RHOU: variants seen among roughly 807,000 people sequenced by gnomAD.
RHOU encodes rho-related GTP-binding protein RhoU.
In RHOU, 8 loss-of-function variants were observed where a neutral mutation model predicts 12.6. The ratio of observed to expected loss-of-function variants is 0.64; its 90% CI spans 0.37 to 1.15. The LOEUF (loss-of-function observed/expected upper bound fraction) is 1.15. Among genes scored for constraint, RHOU ranks in the 50% most tolerant of loss-of-function variants. The pLI is 0.01. For missense variants in RHOU, 258 were observed against 347.0 expected (o/e 0.74, Z 2.04); for synonymous variants, 161 against 147.4 (o/e 1.09, Z -0.67).
At chr1:228,734,205 A>G (rs1212180074), upstream of RHOU, among the ~76,000 whole-genome samples, 1 of 151,532 alleles carries the variant, frequency 6.6e-6, no homozygotes, top group Non-Finnish European at 1.5e-5. Context: ...TTTTTTTTCA[A>G]AATTTACAGA....
chr1:228,703,353 C>T, the RHOU span, among the ~76,000 whole-genome samples: 8 of 151,824 alleles, frequency 5.3e-5, no homozygotes, highest in African/African-American at 1.9e-4. Context: ...GGTGAAACCC[C>T]GTCTCTACTA....
At chr1:228,678,377 G>A in the RHOU span, among the ~76,000 whole-genome samples, 10 of 152,204 alleles carry the variant, frequency 6.6e-5, no homozygotes, top group African/African-American at 2.4e-4. Context: ...GTAGGTGGGA[G>A]TGACCAATGA....
the RHOU span, among the ~76,000 whole-genome samples, chr1:228,679,929 T>G: frequency 4.6e-5 from 7 of 152,010 alleles, no homozygotes. Context: ...TTAGTTAAAA[T>G]GTCTCGAGCC....
the RHOU span, among the ~76,000 whole-genome samples, chr1:228,696,551 T>C: frequency 6.6e-6 from 1 of 151,642 alleles, no homozygotes; most frequent in African/African-American, 2.4e-5. Context: ...TAGATATCTT[T>C]CTTTTTGTTT....
the RHOU span, among the ~76,000 whole-genome samples, chr1:228,656,138 C>T: frequency 6.6e-6 from 1 of 152,130 alleles, no homozygotes; most frequent in Non-Finnish European, 1.5e-5. Flanking sequence ...ATTCACTTTG[C>T]AATGCTTAGT....
chr1:228,735,692 G>T lies in RHOU; in HGVS notation c.-51G>T, dbSNP rs1662588361. ...CGCAACCCTCCGGGGCGGAGGGGCGGTCGGGCCGGGCCCTGCTAGCCCGCG... is the reference window on the plus strand; with the variant it reads ...CGCAACCCTCCGGGGCGGAGGGGCGTTCGGGCCGGGCCCTGCTAGCCCGCG... On this transcript the variant is annotated 5_prime_UTR_variant, in exon 1 of 3. Coordinates refer to ENST00000366691, the MANE Select transcript of RHOU (RefSeq NM_021205.6). The surrounding 1 kb of genome is among the most constrained non-coding windows in gnomAD (Gnocchi z 8.1). 1 of 1,184,092 alleles carries T rather than the reference G, an allele frequency of 8.4e-7. No homozygotes were observed. The highest frequency in any genetic ancestry group is 1.6e-5 in the African/African-American group (1 of 62,394). The allele number at this position is 1,184,092 out of a possible 1,614,324, so 73.3% of individuals were successfully genotyped here.
chr1:228,719,956 G>A, the RHOU span, among the ~76,000 whole-genome samples: 9 of 152,008 alleles, frequency 5.9e-5, no homozygotes, highest in East Asian at 1.9e-4. Context: ...TTAAAATATC[G>A]CCGTATCTTT....
chr1:228,736,260 C>CAAAAAA lies in RHOU; in HGVS notation c.262+271_262+276dup, dbSNP rs1204392489. On this transcript the variant is annotated intron_variant, in intron 1 of 2. Coordinates refer to ENST00000366691, the MANE Select transcript of RHOU (RefSeq NM_021205.6). ...GGCGGAGCGGCAGTCAGAGCCTTGC[C>CAAAAAA]AAAAAAAAAAAAAAAAAAAATCTCA... Among the ~76,000 whole-genome samples, 16 of 70,876 alleles carry CAAAAAA rather than the reference C, an allele frequency of 2.3e-4. 1 individual carries two copies. In the East Asian group the frequency reaches 3.1e-3, roughly 14 times the overall value. The allele number at this position is 70,876 out of a possible 152,430, so 46.5% of individuals were successfully genotyped here.
In RHOU at chr1:228,740,108, A is replaced by G. The variant is rs187925890; in HGVS notation, c.321+2377A>G. Among the ~76,000 whole-genome samples the G allele has an allele frequency of 2.6e-5, 4 of 152,386 alleles. No homozygotes were observed. In the East Asian group the frequency reaches 7.7e-4, roughly 29 times the overall value. On this transcript the variant is annotated intron_variant, in intron 2 of 2. Coordinates refer to ENST00000366691, the MANE Select transcript of RHOU (RefSeq NM_021205.6). ...AGGAATTTTACCAGAAGAACTTTGC[A>G]TAAATGACTGAATCATCAAGGAAGA...
At chr1:228,715,138 C>A in the RHOU span, among the ~76,000 whole-genome samples, 2 of 150,884 alleles carry the variant, frequency 1.3e-5, no homozygotes, top group Admixed American at 6.6e-5. Flanking sequence ...TTCAATTTTT[C>A]TTTTGTTGTG....
the RHOU span, among the ~76,000 whole-genome samples, chr1:228,721,212 G>A: frequency 6.6e-6 from 1 of 152,186 alleles, no homozygotes; most frequent in South Asian, 2.1e-4. Context: ...TGAAGCAGGA[G>A]AATCACTTGA....
At position 228,737,628 on chromosome 1, in the gene RHOU, G is replaced by A; in HGVS notation, c.263-45G>A. 1.9e-6 allele frequency: 3 copies of A among 1,571,460 alleles called. No individual in the cohort carries two copies. Among genetic ancestry groups the A allele is most frequent in the Non-Finnish European group, 2.6e-6 (3 of 1,141,110 alleles). On this transcript the variant is annotated intron_variant, in intron 1 of 2. Coordinates refer to ENST00000366691, the MANE Select transcript of RHOU (RefSeq NM_021205.6). The surrounding 1 kb of genome is among the most constrained non-coding windows in gnomAD (Gnocchi z 4.1). ...CTAAAACTATTAGTATTCCGAAAGG[G>A]GTTAAAAGACACCTCCTGATTGTCA...
chr1:228,696,138 T>C, the RHOU span, among the ~76,000 whole-genome samples: 7 of 152,106 alleles, frequency 4.6e-5, no homozygotes. Context: ...AAACTAATAG[T>C]AGTTTTGTTA....
chr1:228,714,740 CTTTTTTTTTT>C, the RHOU span, among the ~76,000 whole-genome samples: 66 of 83,682 alleles, frequency 7.9e-4, 1 homozygote, highest in Non-Finnish European at 1.4e-3. Context: ...TGTTAATTAT[CTTTTTTTTTT>C]TTTTTTTTTT....
chr1:228,713,555 C>G, the RHOU span, among the ~76,000 whole-genome samples: 1 of 152,090 alleles, frequency 6.6e-6, no homozygotes. Flanking sequence ...TGATCTCAAA[C>G]TGTTGGCCTC....
chr1:228,734,964 A>G (rs1318455174), upstream of RHOU: 1 of 152,202 alleles, frequency 6.6e-6, no homozygotes, highest in Non-Finnish European at 1.5e-5. Flanking sequence ...AAATCACACG[A>G]TCAGCTGCAG....
chr1:228,669,287 G>A, the RHOU span, among the ~76,000 whole-genome samples: 2 of 152,166 alleles, frequency 1.3e-5, no homozygotes, highest in Non-Finnish European at 2.9e-5. Context: ...ACAGGAGTTG[G>A]ACAAGCTGCT....
upstream of RHOU, among the ~76,000 whole-genome samples, chr1:228,731,821 G>A (rs1662502672): frequency 6.6e-6 from 1 of 152,072 alleles, no homozygotes; most frequent in Non-Finnish European, 1.5e-5. Flanking sequence ...GGGCTGGAGG[G>A]CCTCAGAGAG....
the RHOU span, among the ~76,000 whole-genome samples, chr1:228,717,785 GT>G: frequency 6.6e-6 from 1 of 152,190 alleles, no homozygotes; most frequent in Non-Finnish European, 1.5e-5. Flanking sequence ...ACCTAATCCA[GT>G]TATGTGTTTC....
Sources: gnomAD v4.1 joint callset for allele counts (sites outside exome capture counted in the v4.1 genomes callset) on GRCh38, gnomAD v4.1.1 for gene constraint, Gnocchi (gnomAD v3.1) non-coding constraint, MANE v1.5 for transcripts, NCBI Gene and HGNC (gene_info 2026-07-23, HGNC 2026-07-21) for gene names.